Variants in AXIN1 observed in about 807,000 individuals in gnomAD.
AXIN1 encodes the protein axin-1.
AXIN1 carries 30 observed loss-of-function variants against 76.4 expected under a neutral mutation model. The ratio of observed to expected loss-of-function variants is 0.39; its 90% CI spans 0.29 to 0.53. The LOEUF (loss-of-function observed/expected upper bound fraction) is 0.53. Among genes scored for constraint, AXIN1 ranks in the 20% least tolerant of loss-of-function variants. The probability of loss-of-function intolerance (pLI) is 0.66; values close to 1 mark genes in which losing one functional copy is unlikely to be tolerated. For missense variants in AXIN1, 1,140 were observed against 1,198.8 expected, an observed-to-expected ratio of 0.95 and a Z score of 0.72; for synonymous variants, 545 against 501.4, an observed-to-expected ratio of 1.09 and a Z score of -1.16.
At chr16:334,019 C>T (rs565534739) in intron 2 of AXIN1, among the ~76,000 whole-genome samples, 19 of 146,160 alleles carry the variant, frequency 1.3e-4, no homozygotes, top group East Asian at 4.2e-4. Context: ...TAACACAGCA[C>T]GCAGTACCAC....
At position 291,529 on chromosome 16, in the gene AXIN1, C is replaced by A; in HGVS notation, c.2187-232G>T. 6.8e-6 allele frequency: 4 copies of A among 589,404 alleles called. No homozygotes were observed. In the South Asian group the frequency reaches 7.5e-5, roughly 11 times the overall value. 36.5% of individuals were successfully genotyped at this position (589,404 alleles called of 1,614,324 possible). On this transcript the variant is annotated intron_variant, in intron 8 of 10. Coordinates refer to ENST00000262320, the MANE Select transcript of AXIN1 (RefSeq NM_003502.4). ...CACATTCATGATCCCGGCACCAACCCCCTGAGTTCCCTGGACCGCACTTTG... is the reference window on the plus strand; with the variant it reads ...CACATTCATGATCCCGGCACCAACCACCTGAGTTCCCTGGACCGCACTTTG...
At chr16:329,161 C>G (rs2053639133) in intron 2 of AXIN1, among the ~76,000 whole-genome samples, 1 of 151,330 alleles carries the variant, frequency 6.6e-6, no homozygotes, top group South Asian at 2.1e-4. Flanking sequence ...ACCTGTAATC[C>G]CATCTACTCA....
intron 10 of AXIN1, among the ~76,000 whole-genome samples, chr16:288,986 C>T (rs150623371): frequency 3.3e-5 from 5 of 152,318 alleles, no homozygotes; most frequent in African/African-American, 9.6e-5. Flanking sequence ...CCTGTGGGGC[C>T]GAAAGCCTGA....
intron 2 of AXIN1, among the ~76,000 whole-genome samples, chr16:316,800 G>A (rs1037457936): frequency 1.3e-5 from 2 of 152,240 alleles, no homozygotes; most frequent in East Asian, 3.8e-4. Flanking sequence ...TAACTTGTAA[G>A]TTAAATTTGA....
intron 7 of AXIN1, among the ~76,000 whole-genome samples, chr16:296,116 C>T (rs2052704906): frequency 6.6e-6 from 1 of 152,220 alleles, no homozygotes; most frequent in Admixed American, 6.5e-5. Flanking sequence ...ATGAGCCAGG[C>T]AAGGTGCTGT....
At chr16:291,352 AG>A in intron 8 of AXIN1, 55 bp from the exon 9 acceptor site, 2 of 1,460,598 alleles carry the variant, frequency 1.4e-6, no homozygotes. Flanking sequence ...AGCCCTGGGG[AG>A]GGAGCCTCGA....
chr16:295,783 AC>A (rs2052694786), intron 7 of AXIN1, among the ~76,000 whole-genome samples: 1 of 151,752 alleles, frequency 6.6e-6, no homozygotes, highest in African/African-American at 2.4e-5. Flanking sequence ...CATGGCAACC[AC>A]CCCCTGCCCC....
chr16:314,215 G>C (rs1378616680), intron 3 of AXIN1, among the ~76,000 whole-genome samples: 2 of 152,178 alleles, frequency 1.3e-5, no homozygotes, highest in African/African-American at 4.8e-5. Flanking sequence ...AGAAGCAACC[G>C]ACACAAAGCT....
chr16:322,633 A>C (rs2053484606), intron 2 of AXIN1, among the ~76,000 whole-genome samples: 1 of 152,184 alleles, frequency 6.6e-6, no homozygotes, highest in African/African-American at 2.4e-5. Flanking sequence ...TCTGCCCCTC[A>C]ATACCCCATC....
At chr16:351,132 C>CAAAA (rs71391129) in intron 1 of AXIN1, among the ~76,000 whole-genome samples, 2 of 111,586 alleles carry the variant, frequency 1.8e-5, no homozygotes, top group East Asian at 2.4e-4. Flanking sequence ...AACTCTGTCT[C>CAAAA]AAAAAAAAAA....
Position 314,704 on chromosome 16 carries a change from C to A in AXIN1, c.879-21G>T, listed in dbSNP as rs756185748. The A allele has an allele frequency of 2.5e-6, 4 of 1,612,808 alleles. No individual in the cohort carries two copies. The South Asian group carries it at 3.3e-5, about 13-fold the overall frequency. ...CATACCTGCAAACAGGCAAGCAGGG[C>A]ATGTTAGTGACAGCCTGCCAACAGC... On this transcript the variant is annotated intron_variant, in intron 2 of 10. Coordinates refer to ENST00000262320, the MANE Select transcript of AXIN1 (RefSeq NM_003502.4).
Position 346,753 on chromosome 16 carries a change from G to A in AXIN1, c.273C>T (p.Ser91=), listed in dbSNP as rs775346714. 20 of 1,604,274 alleles carry A rather than the reference G, an allele frequency of 1.2e-5. No homozygotes were observed. In the Admixed American group the frequency reaches 3.2e-4, roughly 26 times the overall value. ...TTATCCCATCTTGGTCATCCAGCAG[G>A]GAATGCAGTGACTCAGCCCACTTCA... ...PYLKWAESLH[S]LLDDQDGISL... The change falls in exon 2 of 11, where the codon TCC becomes TCT. Residue 91 remains serine, a synonymous_variant. Coordinates refer to ENST00000262320, the MANE Select transcript of AXIN1 (RefSeq NM_003502.4).
chr16:314,761 T>C (rs2141595231), intron 2 of AXIN1, 78 bp from the exon 3 acceptor site: 1 of 1,583,418 alleles, frequency 6.3e-7, no homozygotes, highest in African/African-American at 1.3e-5. Flanking sequence ...TCATGTTATC[T>C]GAATATCTCA....
intron 6 of AXIN1, 71 bp downstream of exon 6, chr16:297,648 TGAG>T: frequency 6.8e-7 from 1 of 1,470,126 alleles, no homozygotes; most frequent in Admixed American, 2.5e-5. Flanking sequence ...CTGAGTTTTA[TGAG>T]GAGGTTCTGG....
intron 3 of AXIN1, among the ~76,000 whole-genome samples, chr16:312,927 C>A (rs547490422): frequency 6.6e-6 from 1 of 152,366 alleles, no homozygotes; most frequent in South Asian, 2.1e-4. Context: ...GTGGCTCATG[C>A]CCATAATCCC....
chr16:319,554 C>A (rs2053391669), intron 2 of AXIN1, among the ~76,000 whole-genome samples: 1 of 152,134 alleles, frequency 6.6e-6, no homozygotes, highest in Non-Finnish European at 1.5e-5. Context: ...CCAGTGCACT[C>A]TAGGCTGGCC....
rs911819767 is a variant in AXIN1, at chr16:314,605, G to C, written c.957C>G (p.Asn319Lys). 8.7e-6 allele frequency: 14 copies of C among 1,613,996 alleles called. No individual in the cohort carries two copies. The highest frequency in any genetic ancestry group is 1.2e-5 in the Non-Finnish European group (14 of 1,180,004). The change falls in exon 3 of 11, where the codon AAC becomes AAG. Residue 319 changes from asparagine to lysine, a missense_variant. By Grantham distance (94) the Asn-to-Lys change is moderately conservative (BLOSUM62 0). This residue lies in a region of AXIN1 where 708 missense variants were observed against 776.9 expected (regional missense o/e 0.91). Coordinates refer to ENST00000262320, the MANE Select transcript of AXIN1 (RefSeq NM_003502.4). ...TGGACAGGCTCTGCTGCTCGCTGTC[G>C]TTGGCACTGGTGGCTGGGGCCAGGG... is the stretch of plus-strand genomic sequence containing the variant. Reference protein sequence around the residue: ...GYALAPATSANDSEQQSLSSD... With the variant: ...GYALAPATSAKDSEQQSLSSD...
At position 297,219 on chromosome 16, in the gene AXIN1, C is replaced by T. The variant is rs1432371520; in HGVS notation, c.1792G>A (p.Val598Met). 2 of 1,606,322 alleles carry T rather than the reference C, an allele frequency of 1.2e-6. No individual in the cohort carries two copies. The highest frequency in any genetic ancestry group is 4.5e-5 in the East Asian group (2 of 44,872). Residue 598 changes from valine (V) to methionine (M), a missense_variant, in exon 7 of 11, where the codon GTG becomes ATG. Coordinates refer to ENST00000262320, the MANE Select transcript of AXIN1 (RefSeq NM_003502.4). ...ASDGLAHSGK[V>M]GVACKRNAKK... ...GCATTTCTTTTGCACGCCACGCCCA[C>T]CTTCCCACTGCAAGGGCAAGAGCTG...
intron 2 of AXIN1, among the ~76,000 whole-genome samples, chr16:338,880 G>A (rs1457994850): frequency 7.3e-5 from 11 of 151,658 alleles, no homozygotes; most frequent in African/African-American, 1.7e-4. Flanking sequence ...CTGAGATCGC[G>A]CCATTGCACT....
Sources: allele counts gnomAD v4.1 joint callset (sites outside exome capture counted in the v4.1 genomes callset), GRCh38; gene constraint gnomAD v4.1.1; regional missense constraint gnomAD v4.1.1; transcripts MANE v1.5; gene names NCBI Gene and HGNC (gene_info 2026-07-23, HGNC 2026-07-21).